The following MED8 variants were observed in gnomAD, a reference collection of about 807,000 sequenced individuals.
The protein encoded by MED8 is mediator complex subunit 8, also known as mediator of RNA polymerase II transcription subunit 8.
Under a neutral mutation model 34.8 loss-of-function variants are expected in MED8, and 22 were observed. That is an observed-to-expected ratio of 0.63 (90% confidence interval 0.45 to 0.90). The LOEUF (loss-of-function observed/expected upper bound fraction) is 0.90. MED8 is among the 40% of genes least tolerant of loss of function. The pLI is 0.00. For synonymous variants in MED8, 105 were observed against 120.2 expected (o/e 0.87, Z 0.83); for missense variants, 260 against 326.3 (o/e 0.80, Z 1.57).
rs1420276753 is a variant in MED8, at chr1:43,387,003, AAC to A, written c.271-7_271-6del. 1.2e-6 allele frequency: 2 copies of A among 1,613,854 alleles called. No individual in the cohort carries two copies. The highest frequency in any genetic ancestry group is 3.3e-5 in the Admixed American group (2 of 60,020). On this transcript the variant is annotated splice_region_variant and splice_polypyrimidine_tract_variant and intron_variant, in intron 3 of 6. Coordinates refer to ENST00000372457, the MANE Select transcript of MED8 (RefSeq NM_201542.5). ...CACCCGTCCTTCAGTCTGCCGCTGT[AAC>A]ACACAGATTTTATTGATCCTACTCT... is the stretch of plus-strand genomic sequence containing the variant.
chr1:43,389,731 C>G, intron 1 of MED8, 28 bp downstream of exon 1: 1 of 1,603,704 alleles, frequency 6.2e-7, no homozygotes, highest in African/African-American at 1.4e-5. Context: ...AGCTTGCCAG[C>G]CGCTAGTACG....
rs1647734322 is a variant in MED8 at position 43,386,413 on chromosome 1, C to T, written c.493+176G>A. 2.9e-6 allele frequency: 3 copies of T among 1,029,624 alleles called. No individual in the cohort carries two copies. Among genetic ancestry groups the T allele is most frequent in the Non-Finnish European group, 4.2e-6 (3 of 719,960 alleles). 63.8% of individuals were successfully genotyped at this position (1,029,624 alleles called of 1,614,324 possible). A position where few individuals can be genotyped will look rare whatever the true frequency, so the allele number is the denominator to read the frequency against. On this transcript the variant is annotated intron_variant, in intron 5 of 6. Transcript: ENST00000372457. This position sits in a 1 kb window ranked among gnomAD's most constrained non-coding sequence, Gnocchi z 4.9. ...CTCAGAATTCTCTCTTCTTACTTTG[C>T]CCATTTCCTCCACTGCTTCAGTGCT... is the stretch of plus-strand genomic sequence containing the variant.
chr1:43,384,337 G>C lies in MED8; in HGVS notation c.*705C>G. On this transcript the variant is annotated 3_prime_UTR_variant, in exon 7 of 7. Coordinates refer to ENST00000372457, the MANE Select transcript of MED8 (RefSeq NM_201542.5). Reference sequence around the variant, plus strand: ...GTCCTGCCTGGCAGAGCCACTTCCTGAGAAAGCCTCGTGTGTATAAGGTGG... The same window carrying C: ...GTCCTGCCTGGCAGAGCCACTTCCTCAGAAAGCCTCGTGTGTATAAGGTGG... 7.3e-7 allele frequency: 1 copy of C among 1,364,912 alleles called. No homozygotes were observed. The highest frequency in any genetic ancestry group is 2.7e-5 in the East Asian group (1 of 37,422). 84.6% of individuals were successfully genotyped at this position (1,364,912 alleles called of 1,614,324 possible).
chr1:43,388,251 T>G (rs1647820923), intron 2 of MED8, 59 bp downstream of exon 2: 1 of 1,506,142 alleles, frequency 6.6e-7, no homozygotes, highest in African/African-American at 1.4e-5. Context: ...GTCCTATTCA[T>G]CAGGAGGCTA....
intron 3 of MED8, 110 bp downstream of exon 3, chr1:43,387,393 G>A (rs1647771295): frequency 6.4e-6 from 9 of 1,399,668 alleles, no homozygotes; most frequent in Non-Finnish European, 8.7e-6. Flanking sequence ...AAAAAGCAAG[G>A]CCTCCAAAAT....
rs569172742 is a variant in MED8 at position 43,389,616 on chromosome 1, C to T, written c.6+143G>A. 4 of 1,310,426 alleles carry T rather than the reference C, an allele frequency of 3.1e-6. No individual in the cohort carries two copies. In the South Asian group the frequency reaches 6.1e-5, roughly 20 times the overall value. The allele number at this position is 1,310,426 out of a possible 1,614,324, so 81.2% of individuals were successfully genotyped here. A position where few individuals can be genotyped will look rare whatever the true frequency, so the allele number is the denominator to read the frequency against. On this transcript the variant is annotated intron_variant, in intron 1 of 6. Coordinates refer to ENST00000372457, the MANE Select transcript of MED8 (RefSeq NM_201542.5). ...CCGCCGCTCCCGCTCCAATTAGCCT[C>T]GCCCCCCAGCCCACATTCCCTTATC...
rs1647752792 is a variant in MED8 at position 43,386,867 on chromosome 1, A to C, written c.402T>G (p.Asp134Glu). 6.2e-7 allele frequency: 1 copy of C among 1,614,012 alleles called. No individual in the cohort carries two copies. Among genetic ancestry groups the C allele is most frequent in the East Asian group, 2.2e-5 (1 of 44,890 alleles). Residue 134 changes from aspartate (D) to glutamate (E), a missense_variant, in exon 4 of 7, where the codon GAT (aspartate) becomes GAG (glutamate). Physicochemically the swap from Asp to Glu is conservative, Grantham distance 45. Transcript: ENST00000372457. The surrounding 1 kb of genome is among the most constrained non-coding windows in gnomAD (Gnocchi z 4.9). Reference sequence around the variant, plus strand: ...AGTGACTCAGTCCAACCTGGGCTGCATCTGCACCAATGCGGGCAGCATCTG... The same window carrying C: ...AGTGACTCAGTCCAACCTGGGCTGCCTCTGCACCAATGCGGGCAGCATCTG... Reference protein sequence around the residue: ...LTTDAARIGADAAQKQIQSLN... With the variant: ...LTTDAARIGAEAAQKQIQSLN...
intron 1 of MED8, chr1:43,388,677 AATCTATGCCT>A: frequency 4.1e-6 from 2 of 484,868 alleles, no homozygotes; most frequent in Non-Finnish European, 7.4e-6. Context: ...ATCACCTCCT[AATCTATGCCT>A]GGTTTTTCTC....
rs1345262065 is a variant in MED8, at chr1:43,388,307, T to TA, written c.125+2dup. The TA allele has an allele frequency of 6.2e-7, 1 of 1,612,986 alleles. No individual in the cohort carries two copies. Among genetic ancestry groups the TA allele is most frequent in the East Asian group, 2.2e-5 (1 of 44,884 alleles). ...CTTCCTAGCTTGCCCTGGTAACTCT[T>TA]ACCAGGTCAGCCGGCCATACTCGTT... On this transcript the variant is annotated splice_region_variant and intron_variant, in intron 2 of 6. Transcript: ENST00000372457.
Position 43,386,018 on chromosome 1 carries a change from TG to T in MED8, c.701del (p.Pro234GlnfsTer21). On this transcript the variant is annotated frameshift_variant, in exon 6 of 7. Coordinates refer to ENST00000372457, the MANE Select transcript of MED8 (RefSeq NM_201542.5). LOFTEE classifies it high-confidence loss of function. The surrounding 1 kb of genome is among the most constrained non-coding windows in gnomAD (Gnocchi z 4.9). Reference protein sequence around the residue: ...QMAGAPSQQQPMLSGVQMAQA... With the variant: ...QMAGAPSQQQXMLSGVQMAQA... ...GAGCCATTTGTACCCCACTGAGCAT[TG>T]GCTGCTGCTGGCTTGGAGCTCCTGC... 1 of 1,614,016 alleles carries T rather than the reference TG, an allele frequency of 6.2e-7. No homozygotes were observed.
chr1:43,385,852 G>A (rs1647708702), intron 6 of MED8, 126 bp downstream of exon 6: 1 of 1,394,594 alleles, frequency 7.2e-7, no homozygotes, highest in African/African-American at 1.4e-5. Context: ...TTATTTCCTG[G>A]GTCACAGTGA....
In MED8 at chr1:43,384,399, T is replaced by G; in HGVS notation, c.*643A>C. ...GGGGACTTTATGACTATTTGACAGG[T>G]AAAAGCCAAGTTGGCTCCTTAGAGG... On this transcript the variant is annotated 3_prime_UTR_variant, in exon 7 of 7. Transcript: ENST00000372457. The G allele has an allele frequency of 6.5e-7, 1 of 1,541,804 alleles. No homozygotes were observed. The highest frequency in any genetic ancestry group is 8.7e-7 in the Non-Finnish European group (1 of 1,144,710).
rs1244023350 is a variant in MED8 at position 43,384,550 on chromosome 1, G to A, written c.*492C>T. 1 of 1,606,968 alleles carries A rather than the reference G, an allele frequency of 6.2e-7. No homozygotes were observed. The highest frequency in any genetic ancestry group is 1.3e-5 in the African/African-American group (1 of 74,750). On this transcript the variant is annotated 3_prime_UTR_variant, in exon 7 of 7. Transcript: ENST00000372457. ...AGCCAGAATGAAACCCAGGCAGGAG[G>A]GCCTGCAAAAACAGTGTGCCTCTAA...
chr1:43,384,396 A>C lies in MED8; in HGVS notation c.*646T>G. On this transcript the variant is annotated 3_prime_UTR_variant, in exon 7 of 7. Coordinates refer to ENST00000372457, the MANE Select transcript of MED8 (RefSeq NM_201542.5). ...ATAGGGGACTTTATGACTATTTGACAGGTAAAAGCCAAGTTGGCTCCTTAG... is the reference window on the plus strand; with the variant it reads ...ATAGGGGACTTTATGACTATTTGACCGGTAAAAGCCAAGTTGGCTCCTTAG... 1 of 1,536,748 alleles carries C rather than the reference A, an allele frequency of 6.5e-7. No individual in the cohort carries two copies. Among genetic ancestry groups the C allele is most frequent in the Non-Finnish European group, 8.8e-7 (1 of 1,142,700 alleles).
At chr1:43,385,795 TG>T in intron 6 of MED8, 182 bp downstream of exon 6, 1 of 867,274 alleles carries the variant, frequency 1.2e-6, no homozygotes, top group Non-Finnish European at 1.8e-6. Flanking sequence ...CCTCACTCTC[TG>T]GTGCCTGTTG....
chr1:43,386,662 G>T lies in MED8; in HGVS notation c.420C>A (p.Ile140=), dbSNP rs1404851765. Residue 140 remains isoleucine (I), a synonymous_variant, in exon 5 of 7, where the codon ATC becomes ATA. Transcript: ENST00000372457. The surrounding 1 kb of genome is among the most constrained non-coding windows in gnomAD (Gnocchi z 4.9). The part of the protein sequence containing the change: ...RIGADAAQKQ[I]QSLNKMCSNL... Reference sequence around the variant, plus strand: ...TTGAACACATTTTATTCAAGCTCTGGATCTGCTTCTGTAACACACAAATTT... The same window carrying T: ...TTGAACACATTTTATTCAAGCTCTGTATCTGCTTCTGTAACACACAAATTT... 1 of 1,609,824 alleles carries T rather than the reference G, an allele frequency of 6.2e-7. No homozygotes were observed. Among genetic ancestry groups the T allele is most frequent in the Non-Finnish European group, 8.5e-7 (1 of 1,178,008 alleles).
At position 43,386,662 on chromosome 1, in the gene MED8, G is replaced by A; in HGVS notation, c.420C>T (p.Ile140=). Residue 140 remains isoleucine, a synonymous_variant, in exon 5 of 7, where the codon ATC becomes ATT. Transcript: ENST00000372457. This position sits in a 1 kb window ranked among gnomAD's most constrained non-coding sequence, Gnocchi z 4.9. ...RIGADAAQKQ[I]QSLNKMCSNL... ...TTGAACACATTTTATTCAAGCTCTG[G>A]ATCTGCTTCTGTAACACACAAATTT... 6.2e-7 allele frequency: 1 copy of A among 1,609,824 alleles called. No individual in the cohort carries two copies. Among genetic ancestry groups the A allele is most frequent in the Non-Finnish European group, 8.5e-7 (1 of 1,178,008 alleles).
In MED8 at chr1:43,385,982, T is replaced by A. The variant is rs1415227785; in HGVS notation, c.738A>T (p.Gln246His). 1 of 1,613,906 alleles carries A rather than the reference T, an allele frequency of 6.2e-7. No homozygotes were observed. The highest frequency in any genetic ancestry group is 2.2e-5 in the East Asian group (1 of 44,898). The change falls in exon 6 of 7, where the codon CAA (glutamine) becomes CAT (histidine). Residue 246 changes from glutamine to histidine, a missense_variant. Transcript: ENST00000372457. ...TTTCAACCCCTGCCACCTTACCTGG[T>A]TGACCTGCCTGAGCCATTTGTACCC... is the stretch of plus-strand genomic sequence containing the variant. ...LSGVQMAQAG[Q>H]PGKMPSGIKT...
rs1270389647 is a variant in MED8, at chr1:43,388,315, C to T, written c.120G>A (p.Leu40=). Reference sequence around the variant, plus strand: ...CTTGCCCTGGTAACTCTTACCAGGTCAGCCGGCCATACTCGTTCTCCAACT... The same window carrying T: ...CTTGCCCTGGTAACTCTTACCAGGTTAGCCGGCCATACTCGTTCTCCAACT... ...ICKLENEYGR[L]TWPSVLDSFA... The change falls in exon 2 of 7, where the codon CTG becomes CTA. Residue 40 remains leucine, a synonymous_variant. Coordinates refer to ENST00000372457, the MANE Select transcript of MED8 (RefSeq NM_201542.5). 2.5e-6 allele frequency: 4 copies of T among 1,613,166 alleles called. 1 individual carries two copies. In the African/African-American group the frequency reaches 5.3e-5, roughly 21 times the overall value.
Sources: allele counts gnomAD v4.1 joint callset, GRCh38; gene constraint gnomAD v4.1.1; non-coding constraint Gnocchi (gnomAD v3.1); transcripts MANE v1.5; gene names NCBI Gene and HGNC (gene_info 2026-07-23, HGNC 2026-07-21).